Variants in TXLNA observed in about 807,000 individuals in gnomAD.
TXLNA encodes alpha-taxilin.
TXLNA carries 9 observed loss-of-function variants against 61.4 expected under a neutral mutation model. The observed-to-expected ratio is 0.15, with a 90% CI of 0.09 to 0.26. TXLNA has a LOEUF of 0.26. Ranked by LOEUF, TXLNA falls within the 10% of genes least tolerant of loss-of-function variation. TXLNA has a pLI of 1.00. For missense variants in TXLNA, 565 were observed against 688.8 expected (o/e 0.82, Z 2.01); for synonymous variants, 257 against 267.7 (o/e 0.96, Z 0.39).
rs370847797 is a variant in TXLNA, at chr1:32,193,718, CT to C, written c.1252-337del. Among the ~76,000 whole-genome samples, 173 of 147,710 alleles carry C rather than the reference CT, an allele frequency of 1.2e-3. 1 individual carries two copies. The highest frequency in any genetic ancestry group is 3.7e-3 in the African/African-American group (150 of 40,322). On this transcript the variant is annotated intron_variant, in intron 9 of 10. Transcript: ENST00000373610. ...ACCATGCCTGGCTAATTTTTTCTTT[CT>C]TTTTTTTTTGTATTTTTAGTAGAGA...
intron 3 of TXLNA, among the ~76,000 whole-genome samples, chr1:32,182,989 C>T (rs1049142474): frequency 1.7e-4 from 26 of 151,000 alleles, no homozygotes; most frequent in Non-Finnish European, 3.8e-4. Context: ...ATCACTTGAA[C>T]CCGTGAGGCA....
At position 32,195,056 on chromosome 1, in the gene TXLNA, C is replaced by G. The variant is rs1642988042; in HGVS notation, c.1502C>G (p.Pro501Arg). Residue 501 changes from proline (P) to arginine (R), a missense_variant, in exon 11 of 11, where the codon CCT becomes CGT. Around this residue, in one of 2 missense-constraint regions of TXLNA, gnomAD observed 373 missense variants for 504.0 expected, o/e 0.74. Coordinates refer to ENST00000373610, the MANE Select transcript of TXLNA (RefSeq NM_175852.4). ...GGQGSLTDSG[P>R]ERRPEGPGAQ... The stretch of plus-strand genomic sequence containing the variant: ...CAGGGCTCCCTCACTGACAGTGGCC[C>G]TGAGAGGAGGCCAGAGGGGCCTGGG... 2.5e-6 allele frequency: 4 copies of G among 1,614,014 alleles called. No individual in the cohort carries two copies. Among genetic ancestry groups the G allele is most frequent in the African/African-American group, 1.3e-5 (1 of 74,922 alleles).
chr1:32,182,352 A>T (rs1418610994), intron 3 of TXLNA, among the ~76,000 whole-genome samples: 1 of 152,062 alleles, frequency 6.6e-6, no homozygotes, highest in Non-Finnish European at 1.5e-5. Context: ...GTCATTTTAC[A>T]GCAGGGTATG....
At chr1:32,194,293 T>A in intron 10 of TXLNA, 133 bp downstream of exon 10, 2 of 745,622 alleles carry the variant, frequency 2.7e-6, no homozygotes, top group Non-Finnish European at 4.4e-6. Context: ...AATGTCCAAG[T>A]CCAAAGTTAA....
At chr1:32,191,317 G>A (rs187243640) in intron 6 of TXLNA, among the ~76,000 whole-genome samples, 3 of 152,192 alleles carry the variant, frequency 2.0e-5, no homozygotes, top group East Asian at 1.9e-4. Context: ...GGGTGAGACC[G>A]GGAAGATCTG....
intron 3 of TXLNA, among the ~76,000 whole-genome samples, chr1:32,183,209 C>T (rs1048628690): frequency 2.6e-5 from 4 of 151,782 alleles, no homozygotes; most frequent in South Asian, 2.1e-4. Context: ...CTGCAAGCTC[C>T]GCCTCCCGGG....
intron 2 of TXLNA, among the ~76,000 whole-genome samples, chr1:32,180,878 A>G (rs1487038126): frequency 6.6e-6 from 1 of 152,104 alleles, no homozygotes; most frequent in African/African-American, 2.4e-5. Context: ...TGTGGGGGGG[A>G]AGGAGATGGA....
Position 32,195,795 on chromosome 1 carries a change from A to G in TXLNA, c.*600A>G, listed in dbSNP as rs1643008168. 4.4e-6 allele frequency: 2 copies of G among 456,184 alleles called. No homozygotes were observed. Among genetic ancestry groups the G allele is most frequent in the South Asian group, 3.1e-5 (2 of 64,554 alleles). The allele number at this position is 456,184 out of a possible 1,614,324, so 28.3% of individuals were successfully genotyped here. A position where few individuals can be genotyped will look rare whatever the true frequency, so the allele number is the denominator to read the frequency against. On this transcript the variant is annotated 3_prime_UTR_variant, in exon 11 of 11. Transcript: ENST00000373610. ...CTGGAGAATGTTTTTGCGTGGGATG[A>G]TGTGCTGGTCAGGAGCCCCTTGGGC...
intron 9 of TXLNA, 75 bp from the exon 10 acceptor site, chr1:32,193,990 C>A: frequency 8.5e-7 from 1 of 1,181,054 alleles, no homozygotes; most frequent in Non-Finnish European, 1.2e-6. Context: ...GACACAGGTG[C>A]AGTCCCCACC....
intron 4 of TXLNA, among the ~76,000 whole-genome samples, chr1:32,185,492 A>G (rs1455396764): frequency 6.7e-6 from 1 of 150,036 alleles, no homozygotes; most frequent in Non-Finnish European, 1.5e-5. Flanking sequence ...TTCTGGGTTC[A>G]TGCCATTCTC....
chr1:32,193,152 C>A, intron 8 of TXLNA, 56 bp from the exon 9 acceptor site: 1 of 1,183,584 alleles, frequency 8.4e-7, no homozygotes, highest in Non-Finnish European at 1.3e-6. Context: ...AGTGTGTTGA[C>A]CAGAGTGCCT....
rs1329600508 is a variant in TXLNA at position 32,190,211 on chromosome 1, C to T, written c.925C>T (p.Leu309Phe). Residue 309 changes from leucine to phenylalanine, a missense_variant, in exon 6 of 11, where the codon CTC (leucine) becomes TTC (phenylalanine). Physicochemically the swap from Leu to Phe is conservative, Grantham distance 22. Transcript: ENST00000373610. ...RQENMELAER[L>F]KKLIEQYELR... is the part of the protein sequence containing the mutation. ...AGAGAACATGGAGCTGGCTGAGAGG[C>T]TCAAGAAGCTGATTGAGCAGTATGA... is the stretch of plus-strand genomic sequence containing the variant. 3 of 1,605,786 alleles carry T rather than the reference C, an allele frequency of 1.9e-6. No individual in the cohort carries two copies. The highest frequency in any genetic ancestry group is 2.2e-5 in the East Asian group (1 of 44,672).
rs1642996863 is a variant in TXLNA at position 32,195,382 on chromosome 1, C to T, written c.*187C>T. ...ACATAGGGCATTTTGCAAGGCCTTG[C>T]AAATGCATTTATACCTGTAAGTGTA... is the stretch of plus-strand genomic sequence containing the variant. On this transcript the variant is annotated 3_prime_UTR_variant, in exon 11 of 11. Transcript: ENST00000373610. 1 of 623,758 alleles carries T rather than the reference C, an allele frequency of 1.6e-6. No homozygotes were observed. The highest frequency in any genetic ancestry group is 3.0e-5 in the Admixed American group (1 of 33,280). 38.6% of individuals were successfully genotyped at this position (623,758 alleles called of 1,614,324 possible).
intron 1 of TXLNA, 169 bp from the exon 2 acceptor site, chr1:32,180,145 A>G (rs906494728): frequency 1.9e-5 from 11 of 585,926 alleles, no homozygotes; most frequent in Non-Finnish European, 3.1e-5. Context: ...CTGCCCCGGC[A>G]CGTCGGGCTC....
In TXLNA at chr1:32,187,223, G is replaced by A. The variant is rs552506948; in HGVS notation, c.598-731G>A. Among the ~76,000 whole-genome samples the A allele has an allele frequency of 1.1e-3, 172 of 152,258 alleles. 1 individual carries two copies. The highest frequency in any genetic ancestry group is 3.8e-3 in the African/African-American group (158 of 41,536). On this transcript the variant is annotated intron_variant, in intron 4 of 10. Transcript: ENST00000373610. ...GGCCTCACTTTTTTACATTGATTCC[G>A]TGTTGAAATTGTAATGTTTTGGATA...
chr1:32,180,513 G>T lies in TXLNA; in HGVS notation c.168G>T (p.Glu56Asp), dbSNP rs776134058. Residue 56 changes from glutamate to aspartate, a missense_variant and splice_region_variant, in exon 2 of 11, where the codon GAG becomes GAT. Glu to Asp is a conservative substitution (Grantham distance 45). Coordinates refer to ENST00000373610, the MANE Select transcript of TXLNA (RefSeq NM_175852.4). ...GCAGCCAGGCTCCTCGGAAGCCGGA[G>T]GGTGTGTGCCAGCTCTGCGTTGCCA... ...PGSSQAPRKP[E>D]GAQARTAQSG... 12 of 1,598,280 alleles carry T rather than the reference G, an allele frequency of 7.5e-6. No individual in the cohort carries two copies. The Admixed American group carries it at 2.1e-4, about 28-fold the overall frequency.
At chr1:32,181,702 C>G (rs1170001821) in intron 3 of TXLNA, 125 bp downstream of exon 3, 3 of 947,062 alleles carry the variant, frequency 3.2e-6, no homozygotes, top group South Asian at 1.8e-5. Context: ...GCAAGTCACT[C>G]TAGTCTAATC....
Position 32,192,438 on chromosome 1 carries a change from T to C in TXLNA, c.1083+8T>C. The C allele has an allele frequency of 6.3e-7, 1 of 1,596,708 alleles. No individual in the cohort carries two copies. Among genetic ancestry groups the C allele is most frequent in the Non-Finnish European group, 8.5e-7 (1 of 1,176,536 alleles). ...CAGCGGGAGAAGGATTTTGTGAGGC[T>C]CAGGCCCCAGGGTTGGGGTGGGGGT... On this transcript the variant is annotated splice_region_variant and intron_variant, in intron 7 of 10. Transcript: ENST00000373610. The surrounding 1 kb of genome is among the most constrained non-coding windows in gnomAD (Gnocchi z 4.2).
intron 6 of TXLNA, among the ~76,000 whole-genome samples, chr1:32,190,725 G>A (rs1642887654): frequency 1.3e-5 from 2 of 152,140 alleles, no homozygotes; most frequent in South Asian, 4.1e-4. Flanking sequence ...GCAGGGGAGG[G>A]GTGTACCTGT....
Sources: allele counts gnomAD v4.1 joint callset (sites outside exome capture counted in the v4.1 genomes callset), GRCh38; gene constraint gnomAD v4.1.1; regional missense constraint gnomAD v4.1.1; non-coding constraint Gnocchi (gnomAD v3.1); transcripts MANE v1.5; gene names NCBI Gene and HGNC (gene_info 2026-07-23, HGNC 2026-07-21).